PLXNA4: variants seen among roughly 807,000 people sequenced by gnomAD.
PLXNA4 encodes plexin-A4.
In PLXNA4, 44 loss-of-function variants were observed where a neutral mutation model predicts 191.8. The ratio of observed to expected loss-of-function variants is 0.23; its 90% CI spans 0.18 to 0.29. PLXNA4 has a LOEUF of 0.29. Ranked by LOEUF, PLXNA4 falls within the 10% of genes least tolerant of loss-of-function variation. The pLI, the probability that PLXNA4 is intolerant of heterozygous loss-of-function variation, is 1.00. For synonymous variants in PLXNA4, 1,082 were observed against 1,009.5 expected, an observed-to-expected ratio of 1.07 and a Z score of -1.36; for missense variants, 1,800 against 2,488.8, an observed-to-expected ratio of 0.72 and a Z score of 5.89.
intron 25 of PLXNA4, among the ~76,000 whole-genome samples, chr7:132,152,310 G>A (rs1166235523): frequency 6.6e-6 from 1 of 152,164 alleles, no homozygotes; most frequent in Non-Finnish European, 1.5e-5. Context: ...AGGTCAGGTT[G>A]AGTCAGCTGA....
chr7:132,340,756 C>T (rs1385257810), intron 3 of PLXNA4, among the ~76,000 whole-genome samples: 1 of 152,236 alleles, frequency 6.6e-6, no homozygotes, highest in Admixed American at 6.5e-5. Flanking sequence ...CAGCTCACTG[C>T]AACCTCTGCC....
In PLXNA4 at chr7:132,124,995, CCTCT is replaced by C. The variant is rs1316374256; in HGVS notation, c.*5480_*5483del. On this transcript the variant is annotated 3_prime_UTR_variant, in exon 32 of 32. Transcript: ENST00000321063. ...ATATACTTTTAAAACTTGGATACTC[CCTCT>C]AATAAAATAATTTTATGGGGGAGCA... 21 of 37,154 alleles carry C rather than the reference CCTCT, an allele frequency of 5.7e-4. No individual in the cohort carries two copies. Among genetic ancestry groups the C allele is most frequent in the African/African-American group, 2.2e-3 (21 of 9,608 alleles). 2.3% of individuals were successfully genotyped at this position (37,154 alleles called of 1,614,324 possible).
chr7:132,287,879 C>T (rs1237256485), intron 4 of PLXNA4, among the ~76,000 whole-genome samples: 3 of 152,184 alleles, frequency 2.0e-5, no homozygotes, highest in Non-Finnish European at 4.4e-5. Flanking sequence ...ACCAAGGGAC[C>T]TCCTTCATGG....
At chr7:132,384,467 A>T (rs995382417) in intron 3 of PLXNA4, 4 of 985,692 alleles carry the variant, frequency 4.1e-6, no homozygotes, top group Middle Eastern at 5.2e-4. Context: ...GATAGTGGCC[A>T]TGCAGGAGAC....
chr7:132,257,093 A>C (rs1217139496), intron 4 of PLXNA4, among the ~76,000 whole-genome samples: 1 of 152,238 alleles, frequency 6.6e-6, no homozygotes, highest in Non-Finnish European at 1.5e-5. Flanking sequence ...TGGCAGTGCC[A>C]GGTCCCTAAC....
intron 29 of PLXNA4, among the ~76,000 whole-genome samples, chr7:132,142,518 A>G (rs1262480766): frequency 1.3e-5 from 2 of 152,258 alleles, no homozygotes; most frequent in Non-Finnish European, 2.9e-5. Flanking sequence ...AACAAATGCT[A>G]TTAATACAGG....
chr7:132,176,972 AGT>A lies in PLXNA4; in HGVS notation c.3875-2054_3875-2053del, dbSNP rs563173115. On this transcript the variant is annotated intron_variant, in intron 20 of 31. Transcript: ENST00000321063. ...TGCAAGTTGAGTGCGTGAGTGTATG[AGT>A]GTGCATGCATGTGTGCATGTGAGTG... Among the ~76,000 whole-genome samples the A allele has an allele frequency of 8.6e-5, 13 of 151,088 alleles. No individual in the cohort carries two copies. In the South Asian group the frequency reaches 2.1e-3, roughly 24 times the overall value.
intron 3 of PLXNA4, chr7:132,367,875 T>C (rs565473051): frequency 1.4e-4 from 22 of 152,244 alleles, no homozygotes; most frequent in African/African-American, 4.6e-4. Flanking sequence ...AGGTACTTAT[T>C]AGATAAGAGA....
intron 1 of PLXNA4, among the ~76,000 whole-genome samples, chr7:132,519,499 C>T (rs949170165): frequency 2.0e-5 from 3 of 152,220 alleles, no homozygotes; most frequent in African/African-American, 7.2e-5. Context: ...TGGGGATAGT[C>T]ACCTCTCCAG....
intron 14 of PLXNA4, 64 bp from the exon 15 acceptor site, chr7:132,187,671 C>T (rs1268071360): frequency 2.1e-5 from 32 of 1,522,046 alleles, no homozygotes; most frequent in East Asian, 9.5e-5. Context: ...TCTGGGCAGG[C>T]GTGAGGCAGC....
At chr7:132,270,432 G>A (rs1432551840) in intron 4 of PLXNA4, among the ~76,000 whole-genome samples, 1 of 152,100 alleles carries the variant, frequency 6.6e-6, no homozygotes, top group Non-Finnish European at 1.5e-5. Context: ...AAATTACTTC[G>A]CAGTTTCATT....
intron 4 of PLXNA4, among the ~76,000 whole-genome samples, chr7:132,287,255 C>A (rs1166113612): frequency 6.6e-6 from 1 of 152,114 alleles, no homozygotes; most frequent in Non-Finnish European, 1.5e-5. Flanking sequence ...AGGCTGTTCT[C>A]GAACTCCTGA....
chr7:132,228,176 T>C (rs1462550167), intron 6 of PLXNA4, among the ~76,000 whole-genome samples, 170 bp downstream of exon 6: 1 of 152,066 alleles, frequency 6.6e-6, no homozygotes, highest in African/African-American at 2.4e-5. Flanking sequence ...CCTTCTTGCA[T>C]CCCCCCGTAG....
intron 3 of PLXNA4, among the ~76,000 whole-genome samples, chr7:132,410,390 TGAG>T (rs1011941352): frequency 3.9e-5 from 6 of 152,136 alleles, no homozygotes; most frequent in Non-Finnish European, 5.9e-5. Flanking sequence ...ACTTCGCCCA[TGAG>T]GAGAAGGAAG....
chr7:132,350,931 A>C (rs866792395), intron 3 of PLXNA4, among the ~76,000 whole-genome samples: 20 of 152,270 alleles, frequency 1.3e-4, no homozygotes, highest in South Asian at 4.1e-4. Flanking sequence ...TGGTATATCC[A>C]TACAATGGAA....
At chr7:132,365,342 T>C (rs1242856008) in intron 3 of PLXNA4, among the ~76,000 whole-genome samples, 2 of 118,694 alleles carry the variant, frequency 1.7e-5, no homozygotes, top group Non-Finnish European at 3.2e-5. Flanking sequence ...TGTGTGTGTG[T>C]GTGTGTGTGT....
chr7:132,338,748 C>T (rs1163041885), intron 3 of PLXNA4, among the ~76,000 whole-genome samples: 5 of 152,134 alleles, frequency 3.3e-5, no homozygotes, highest in Non-Finnish European at 7.3e-5. Context: ...GGATGCAGCA[C>T]TGAATAAAAG....
chr7:132,508,931 C>G lies in PLXNA4; in HGVS notation c.-86-152G>C, dbSNP rs957463291. On this transcript the variant is annotated intron_variant, in intron 1 of 31. Transcript: ENST00000321063. This position sits in a 1 kb window ranked among gnomAD's most constrained non-coding sequence, Gnocchi z 4.4. The stretch of plus-strand genomic sequence containing the variant: ...AGGCTGACTGAGTCAACCCCCACCA[C>G]GGGCATGTGACACAGTCAGAGCCGG... Among the ~76,000 whole-genome samples the G allele has an allele frequency of 1.3e-5, 2 of 152,192 alleles. No individual in the cohort carries two copies. Among genetic ancestry groups the G allele is most frequent in the African/African-American group, 4.8e-5 (2 of 41,452 alleles).
intron 2 of PLXNA4, among the ~76,000 whole-genome samples, chr7:132,630,776 G>T (rs1803478272): frequency 6.6e-6 from 1 of 152,220 alleles, no homozygotes; most frequent in African/African-American, 2.4e-5. Context: ...CTCCCAAATA[G>T]CTGGGATTAC....
Sources: gnomAD v4.1 joint callset for allele counts (sites outside exome capture counted in the v4.1 genomes callset) on GRCh38, gnomAD v4.1.1 for gene constraint, Gnocchi (gnomAD v3.1) non-coding constraint, MANE v1.5 for transcripts, NCBI Gene and HGNC (gene_info 2026-07-23, HGNC 2026-07-21) for gene names.